The following RIMS2 variants were observed in gnomAD, a reference collection of about 807,000 sequenced individuals.
The protein encoded by RIMS2 is regulating synaptic membrane exocytosis protein 2.
In RIMS2, 59 loss-of-function variants were observed where a neutral mutation model predicts 174.4. The observed-to-expected ratio is 0.34, with a 90% CI of 0.27 to 0.42. The LOEUF is 0.42. RIMS2 is among the 10% of genes least tolerant of loss of function. RIMS2 has a pLI of 1.00. For synonymous variants in RIMS2, 606 were observed against 572.5 expected (o/e 1.06, Z -0.84); for missense variants, 1,620 against 1,666.3 (o/e 0.97, Z 0.48).
chr8:104,130,023 C>T (rs1343203207), intron 19 of RIMS2, among the ~76,000 whole-genome samples: 1 of 152,126 alleles, frequency 6.6e-6, no homozygotes, highest in African/African-American at 2.4e-5. Context: ...TTTAACTATC[C>T]TTACGTTACT....
intron 1 of RIMS2, among the ~76,000 whole-genome samples, chr8:103,535,287 C>A (rs949679978): frequency 6.6e-6 from 1 of 152,164 alleles, no homozygotes; most frequent in Non-Finnish European, 1.5e-5. Context: ...TGCTATGCAG[C>A]CTATCGATTG....
At chr8:104,025,793 CATAAT>C (rs74761076) in intron 19 of RIMS2, among the ~76,000 whole-genome samples, 34,174 of 151,714 alleles carry the variant, frequency 0.23, 3,966 homozygotes, top group South Asian at 0.34. Context: ...ACAATAGTCT[CATAAT>C]ATTATCATAC....
At chr8:103,819,473 GA>G in intron 3 of RIMS2, 1 of 1,608,152 alleles carries the variant, frequency 6.2e-7, no homozygotes. Flanking sequence ...AGGTGGTAGG[GA>G]AAAATAAGAG....
chr8:103,698,545 T>C (rs1032472591), intron 2 of RIMS2, among the ~76,000 whole-genome samples: 11 of 152,242 alleles, frequency 7.2e-5, no homozygotes, highest in African/African-American at 2.2e-4. Flanking sequence ...AATACATTGG[T>C]TGATTTTTAT....
intron 1 of RIMS2, among the ~76,000 whole-genome samples, chr8:103,686,155 A>G (rs910547481): frequency 2.6e-5 from 4 of 151,968 alleles, no homozygotes; most frequent in African/African-American, 9.7e-5. Flanking sequence ...TACACGTGTA[A>G]TTGTTTTTTG....
intron 3 of RIMS2, among the ~76,000 whole-genome samples, chr8:103,855,814 G>C (rs1294104418): frequency 6.6e-6 from 1 of 152,066 alleles, no homozygotes; most frequent in Non-Finnish European, 1.5e-5. Context: ...GTGCAGATGG[G>C]AACAGCGTAT....
At chr8:103,538,496 C>G (rs59802767) in intron 1 of RIMS2, among the ~76,000 whole-genome samples, 11 of 143,982 alleles carry the variant, frequency 7.6e-5, no homozygotes, top group Middle Eastern at 3.4e-3. Context: ...ACTCTTCCCC[C>G]CCAAGTCCCC....
At chr8:104,167,057 A>C (rs772866568) in intron 19 of RIMS2, among the ~76,000 whole-genome samples, 11 of 152,178 alleles carry the variant, frequency 7.2e-5, no homozygotes, top group Non-Finnish European at 2.9e-5. Context: ...TATCTTTGCC[A>C]TTGCAAATTG....
chr8:103,562,410 C>G (rs1295379613), intron 1 of RIMS2, among the ~76,000 whole-genome samples: 1 of 152,176 alleles, frequency 6.6e-6, no homozygotes, highest in Non-Finnish European at 1.5e-5. Flanking sequence ...GTCTGAAATC[C>G]AACAGGGCAG....
chr8:103,549,622 A>C (rs1846736864), intron 1 of RIMS2, among the ~76,000 whole-genome samples: 1 of 152,226 alleles, frequency 6.6e-6, no homozygotes, highest in Admixed American at 6.5e-5. Context: ...ACATAACAAT[A>C]TTAACCTTAA....
intron 14 of RIMS2, among the ~76,000 whole-genome samples, chr8:103,959,523 C>T (rs1350725013): frequency 7.9e-5 from 12 of 151,956 alleles, no homozygotes; most frequent in African/African-American, 2.9e-4. Context: ...CCTGCCTCAA[C>T]CTCCCTAGTA....
chr8:103,700,982 A>G (rs1006430373), intron 2 of RIMS2, among the ~76,000 whole-genome samples: 3 of 152,084 alleles, frequency 2.0e-5, no homozygotes, highest in African/African-American at 7.2e-5. Context: ...TTCTTTTTGT[A>G]TAAAGAGTTT....
At chr8:103,515,836 A>C (rs747527821) in intron 1 of RIMS2, among the ~76,000 whole-genome samples, 1 of 152,098 alleles carries the variant, frequency 6.6e-6, no homozygotes, top group Non-Finnish European at 1.5e-5. Flanking sequence ...TTTTTGGTAC[A>C]TCTTTGCAGG....
intron 1 of RIMS2, among the ~76,000 whole-genome samples, chr8:103,597,765 A>T (rs1044399779): frequency 6.6e-6 from 1 of 151,980 alleles, no homozygotes; most frequent in African/African-American, 2.4e-5. Context: ...AACCTTATGA[A>T]TATTCTGAAA....
In RIMS2 at chr8:104,156,340, C is replaced by T. The variant is rs562457167; in HGVS notation, c.3335-88576C>T. ...GGAATTGGAAATGGTAACATCACTT[C>T]TGCTTCTATTCCATTGGCTGCTTAG... On this transcript the variant is annotated intron_variant, in intron 19 of 23. Transcript: ENST00000504942. 1.1e-4 allele frequency among the ~76,000 whole-genome samples: 16 copies of T among 152,248 alleles called. No individual in the cohort carries two copies. In the South Asian group the frequency reaches 1.2e-3, roughly 12 times the overall value.
Position 103,989,489 on chromosome 8 carries a change from A to G in RIMS2, c.3044+68A>G, listed in dbSNP as rs1000431812. On this transcript the variant is annotated intron_variant, in intron 17 of 23. Transcript: ENST00000504942. ...TCACTGCTTTCAGGAAGGGGTTACC[A>G]TAAAATATTTTCACATATTCCTTTT... 12 of 800,962 alleles carry G rather than the reference A, an allele frequency of 1.5e-5. No individual in the cohort carries two copies. The African/African-American group carries it at 1.7e-4, about 12-fold the overall frequency. 49.6% of individuals were successfully genotyped at this position (800,962 alleles called of 1,614,324 possible). A position where few individuals can be genotyped will look rare whatever the true frequency, so the allele number is the denominator to read the frequency against.
At chr8:103,885,928 A>C in exon 4 of RIMS2, 1 of 1,613,004 alleles carries the variant, frequency 6.2e-7, no homozygotes, top group Non-Finnish European at 8.5e-7. Context: ...CACTACCCAT[A>C]GATAGACCAG....
intron 19 of RIMS2, among the ~76,000 whole-genome samples, chr8:104,084,437 C>CAAAA (rs34285862): frequency 0.051 from 3,893 of 76,538 alleles, 366 homozygotes; most frequent in African/African-American, 0.14. Context: ...GACTCTGTCT[C>CAAAA]AAAAAAAAAA....
chr8:104,231,610 A>G (rs1277524478), intron 19 of RIMS2, among the ~76,000 whole-genome samples: 5 of 152,052 alleles, frequency 3.3e-5, no homozygotes, highest in Non-Finnish European at 7.4e-5. Context: ...TACTGGCTCC[A>G]CCTCTTCCTA....
Sources: gnomAD v4.1 joint callset for allele counts (sites outside exome capture counted in the v4.1 genomes callset) on GRCh38, gnomAD v4.1.1 for gene constraint, MANE v1.5 for transcripts, NCBI Gene and HGNC (gene_info 2026-07-23, HGNC 2026-07-21) for gene names.